The following PDE4D variants were observed in gnomAD, a reference collection of about 807,000 sequenced individuals.
The protein encoded by PDE4D is 3',5'-cyclic-AMP phosphodiesterase 4D.
PDE4D carries 24 observed loss-of-function variants against 87.4 expected under a neutral mutation model. The observed-to-expected ratio is 0.27, with a 90% CI of 0.20 to 0.39. The LOEUF (loss-of-function observed/expected upper bound fraction) is 0.39. Among genes scored for constraint, PDE4D ranks in the 10% least tolerant of loss-of-function variants. PDE4D has a pLI of 1.00. For missense variants in PDE4D, 714 were observed against 1,041.0 expected (o/e 0.69, Z 4.32); for synonymous variants, 384 against 383.2 (o/e 1.00, Z -0.02).
intron 1 of PDE4D, among the ~76,000 whole-genome samples, chr5:59,364,768 T>C (rs942711213): frequency 2.6e-5 from 4 of 152,156 alleles, no homozygotes; most frequent in African/African-American, 9.7e-5. Context: ...TATATGGAAT[T>C]TTGTTCAACA....
intron 1 of PDE4D, among the ~76,000 whole-genome samples, chr5:59,452,081 G>A (rs2153640842): frequency 6.6e-6 from 1 of 152,076 alleles, no homozygotes; most frequent in South Asian, 2.1e-4. Flanking sequence ...CTTTTTTTTA[G>A]TTCATCAGCT....
At chr5:59,865,092 G>A (rs1055590970) in intron 1 of PDE4D, among the ~76,000 whole-genome samples, 2 of 152,162 alleles carry the variant, frequency 1.3e-5, no homozygotes, top group African/African-American at 2.4e-5. Context: ...CTGTGAAATA[G>A]CCTAGTATTC....
intron 1 of PDE4D, among the ~76,000 whole-genome samples, chr5:59,540,140 G>A (rs766568763): frequency 8.5e-5 from 13 of 152,260 alleles, no homozygotes; most frequent in African/African-American, 2.6e-4. Flanking sequence ...TGGGGAACAC[G>A]CTTTGAGATG....
intron 5 of PDE4D, among the ~76,000 whole-genome samples, chr5:59,105,130 G>A (rs1439461443): frequency 6.6e-6 from 1 of 152,164 alleles, no homozygotes; most frequent in Non-Finnish European, 1.5e-5. Context: ...TGAGATGAAA[G>A]TCAAATTTTG....
chr5:60,279,006 T>C (rs1423885385), intron 1 of PDE4D, among the ~76,000 whole-genome samples: 2 of 152,208 alleles, frequency 1.3e-5, no homozygotes, highest in Non-Finnish European at 2.9e-5. Context: ...AGATGCCATT[T>C]CTTATTTAAA....
chr5:60,092,096 A>G (rs6893790), intron 2 of PDE4D, among the ~76,000 whole-genome samples: 1,855 of 151,056 alleles, frequency 0.012, 32 homozygotes, highest in African/African-American at 0.043. Context: ...TGAAATATAT[A>G]CACAATATAG....
chr5:59,176,891 G>A (rs543037394), intron 5 of PDE4D, among the ~76,000 whole-genome samples: 1 of 152,270 alleles, frequency 6.6e-6, no homozygotes, highest in African/African-American at 2.4e-5. Flanking sequence ...AGACAGTGCT[G>A]GGAGCAGGAG....
intron 1 of PDE4D, among the ~76,000 whole-genome samples, chr5:59,760,527 C>T (rs1761839277): frequency 6.6e-6 from 1 of 152,152 alleles, no homozygotes; most frequent in African/African-American, 2.4e-5. Flanking sequence ...CACGCTGGAA[C>T]ATTTTCCTCC....
chr5:59,661,815 A>G (rs1370230), intron 1 of PDE4D, among the ~76,000 whole-genome samples: 64,261 of 152,072 alleles, frequency 0.42, 14,272 homozygotes, highest in East Asian at 0.69. Flanking sequence ...ATAAATGAGC[A>G]TTGTAGGCCA....
chr5:60,042,932 G>A (rs935898343), intron 2 of PDE4D, among the ~76,000 whole-genome samples: 6 of 152,062 alleles, frequency 3.9e-5, no homozygotes, highest in African/African-American at 1.4e-4. Context: ...AACAAAACTG[G>A]ATGGAGAATG....
chr5:60,468,353 G>A (rs1747551063), intron 1 of PDE4D, among the ~76,000 whole-genome samples: 1 of 151,872 alleles, frequency 6.6e-6, no homozygotes, highest in African/African-American at 2.4e-5. Context: ...TGCCCAGGAT[G>A]GTCTTGAACT....
intron 3 of PDE4D, among the ~76,000 whole-genome samples, chr5:59,941,069 G>C (rs1279274557): frequency 6.6e-6 from 1 of 152,118 alleles, no homozygotes; most frequent in Non-Finnish European, 1.5e-5. Context: ...CCACCACCCA[G>C]GGCTTGCTAT....
chr5:59,873,904 T>G (rs1311604678), intron 1 of PDE4D, among the ~76,000 whole-genome samples: 1 of 152,152 alleles, frequency 6.6e-6, no homozygotes, highest in African/African-American at 2.4e-5. Flanking sequence ...TTGTTAATAA[T>G]TGCATATATA....
chr5:59,952,588 T>C (rs1758415968), intron 3 of PDE4D, among the ~76,000 whole-genome samples: 2 of 152,242 alleles, frequency 1.3e-5, no homozygotes. Context: ...TGAAGGATAC[T>C]TGTTGTTGAT....
At chr5:60,156,074 C>T (rs1048958628) in intron 2 of PDE4D, among the ~76,000 whole-genome samples, 1 of 152,166 alleles carries the variant, frequency 6.6e-6, no homozygotes, top group Non-Finnish European at 1.5e-5. Context: ...ATCAAGGGTA[C>T]AGTCCTCAGA....
At chr5:60,468,337 C>G (rs1487836329) in intron 1 of PDE4D, among the ~76,000 whole-genome samples, 3 of 152,054 alleles carry the variant, frequency 2.0e-5, no homozygotes, top group Admixed American at 2.0e-4. Context: ...TGGGATTTTA[C>G]CATGTTGCCC....
chr5:60,145,480 C>T (rs1427418962), intron 2 of PDE4D, among the ~76,000 whole-genome samples: 1 of 152,212 alleles, frequency 6.6e-6, no homozygotes, highest in Non-Finnish European at 1.5e-5. Flanking sequence ...CATTGCAACC[C>T]ATGGGGTTTT....
intron 1 of PDE4D, among the ~76,000 whole-genome samples, chr5:59,725,248 C>A (rs1756432647): frequency 6.6e-6 from 1 of 152,054 alleles, no homozygotes; most frequent in Non-Finnish European, 1.5e-5. Context: ...ACTCATATAG[C>A]CTTTAGCCTT....
intron 6 of PDE4D, among the ~76,000 whole-genome samples, chr5:59,027,773 C>T (rs1286460856): frequency 6.6e-6 from 1 of 151,840 alleles, no homozygotes; most frequent in African/African-American, 2.4e-5. Flanking sequence ...CTTCCTGAGT[C>T]CCTAGAAATC....
Sources: gnomAD v4.1 joint callset for allele counts (sites outside exome capture counted in the v4.1 genomes callset) on GRCh38, gnomAD v4.1.1 for gene constraint, MANE v1.5 for transcripts, NCBI Gene and HGNC (gene_info 2026-07-23, HGNC 2026-07-21) for gene names.